Variants in SPG21 observed in about 807,000 individuals in gnomAD.
The protein encoded by SPG21 is maspardin.
Under a neutral mutation model 38.9 loss-of-function variants are expected in SPG21, and 26 were observed. The ratio of observed to expected loss-of-function variants is 0.67; its 90% CI spans 0.49 to 0.93. The LOEUF (loss-of-function observed/expected upper bound fraction) is 0.93, where lower values mean the gene tolerates loss of function less well. SPG21 is among the 40% of genes least tolerant of loss of function. The pLI is 0.00. For synonymous variants in SPG21, 136 were observed against 128.9 expected, an observed-to-expected ratio of 1.05 and a Z score of -0.37; for missense variants, 333 against 376.5, an observed-to-expected ratio of 0.88 and a Z score of 0.96.
chr15:64,986,192 C>G (rs1008236580), intron 1 of SPG21, among the ~76,000 whole-genome samples: 3 of 149,704 alleles, frequency 2.0e-5, no homozygotes, highest in Non-Finnish European at 4.4e-5. Flanking sequence ...GTAGTGAAAC[C>G]CTGTCTCTAC....
At chr15:64,977,883 C>T (rs1444644005) in intron 3 of SPG21, among the ~76,000 whole-genome samples, 1 of 152,004 alleles carries the variant, frequency 6.6e-6, no homozygotes, top group African/African-American at 2.4e-5. Flanking sequence ...AGTGCAGTGG[C>T]GCGATCTCGG....
intron 7 of SPG21, among the ~76,000 whole-genome samples, chr15:64,967,463 A>G (rs1328954960): frequency 7.3e-6 from 1 of 136,464 alleles, no homozygotes; most frequent in African/African-American, 2.7e-5. Flanking sequence ...ATGTCCAGCT[A>G]ATTTTCCTTT....
chr15:64,970,829 T>C (rs181096556), intron 5 of SPG21, among the ~76,000 whole-genome samples: 1 of 152,144 alleles, frequency 6.6e-6, no homozygotes, highest in African/African-American at 2.4e-5. Flanking sequence ...AACCTCTGCC[T>C]CCCGGGCTCA....
intron 3 of SPG21, among the ~76,000 whole-genome samples, chr15:64,976,790 G>A (rs1387838513): frequency 6.6e-6 from 1 of 152,174 alleles, no homozygotes; most frequent in Non-Finnish European, 1.5e-5. Flanking sequence ...GATATTACGT[G>A]AGTAACAATT....
chr15:64,972,209 C>A (rs1423341446), intron 5 of SPG21, among the ~76,000 whole-genome samples: 1 of 152,160 alleles, frequency 6.6e-6, no homozygotes, highest in Non-Finnish European at 1.5e-5. Context: ...AAGTTCTCTC[C>A]CAGCCCCATC....
At chr15:64,972,872 C>T (rs2085697954) in intron 5 of SPG21, among the ~76,000 whole-genome samples, 1 of 130,966 alleles carries the variant, frequency 7.6e-6, no homozygotes, top group African/African-American at 2.5e-5. Context: ...ACAAAAAAAA[C>T]TAAAAAATAT....
chr15:64,977,034 CTTAG>C (rs772490884), intron 3 of SPG21, among the ~76,000 whole-genome samples: 2 of 152,108 alleles, frequency 1.3e-5, no homozygotes, highest in Non-Finnish European at 2.9e-5. Context: ...TTTTAAATGA[CTTAG>C]TTACTCTATT....
At chr15:64,982,442 G>A (rs1417687030) in intron 2 of SPG21, among the ~76,000 whole-genome samples, 1 of 152,042 alleles carries the variant, frequency 6.6e-6, no homozygotes. Context: ...CACCATGCCT[G>A]GCTAATTTTT....
chr15:64,985,107 A>G (rs2085965606), intron 1 of SPG21, among the ~76,000 whole-genome samples: 2 of 152,232 alleles, frequency 1.3e-5, no homozygotes, highest in African/African-American at 4.8e-5. Flanking sequence ...GACGTGATTA[A>G]AAGTTACACA....
intron 7 of SPG21, among the ~76,000 whole-genome samples, chr15:64,967,275 AAAAT>A (rs1233341366): frequency 1.3e-5 from 2 of 151,958 alleles, no homozygotes; most frequent in African/African-American, 4.8e-5. Context: ...AAATAATTTA[AAAAT>A]AAATAAAAAA....
At position 64,988,981 on chromosome 15, in the gene SPG21, CAAA is replaced by C. The variant is rs148681989; in HGVS notation, c.-25+681_-25+683del. The C allele has an allele frequency of 2.1e-3, 196 of 92,294 alleles. 1 individual carries two copies. The highest frequency in any genetic ancestry group is 0.016 in the South Asian group (48 of 2,934). 5.7% of individuals were successfully genotyped at this position (92,294 alleles called of 1,614,324 possible). On this transcript the variant is annotated intron_variant, in intron 1 of 8. Coordinates refer to ENST00000204566, the MANE Select transcript of SPG21 (RefSeq NM_016630.7). Reference sequence around the variant, plus strand: ...TGGGCGACGGAGCGAGACTCCGTCTCAAAAAAAAAAAAAAAAAAAAAGTTACTC... The same window carrying C: ...TGGGCGACGGAGCGAGACTCCGTCTCAAAAAAAAAAAAAAAAAAGTTACTC...
chr15:64,973,686 T>C (rs924018678), intron 5 of SPG21, among the ~76,000 whole-genome samples: 1 of 152,180 alleles, frequency 6.6e-6, no homozygotes, highest in Non-Finnish European at 1.5e-5. Context: ...CGACCTCAGG[T>C]GATCCGGCCG....
At position 64,976,549 on chromosome 15, in the gene SPG21, A is replaced by C; in HGVS notation, c.232T>G (p.Tyr78Asp). ...GWGYRVIALQ[Y>D]PVYWDHLEFC... ...TCGAGATGGTCCCAATAAACTGGAT[A>C]CTGCAACTGAAATAATAACGATAAT... The change falls in exon 4 of 9, where the codon TAT (tyrosine) becomes GAT (aspartate). Residue 78 changes from tyrosine to aspartate, a missense_variant. Physicochemically the swap from Tyr to Asp is radical, Grantham distance 160. Coordinates refer to ENST00000204566, the MANE Select transcript of SPG21 (RefSeq NM_016630.7). 1 of 1,607,600 alleles carries C rather than the reference A, an allele frequency of 6.2e-7. No individual in the cohort carries two copies. Among genetic ancestry groups the C allele is most frequent in the South Asian group, 1.1e-5 (1 of 90,244 alleles).
At position 64,979,798 on chromosome 15, in the gene SPG21, T is replaced by G. The variant is rs1595876838; in HGVS notation, c.225+1066A>C. ...ACTGCCAGCTAAAGAGACTCTCTCC[T>G]TCCTGGAAAATTAGGAGACCAATGT... On this transcript the variant is annotated intron_variant, in intron 3 of 8. Transcript: ENST00000204566. 2.0e-5 allele frequency among the ~76,000 whole-genome samples: 3 copies of G among 149,180 alleles called. No homozygotes were observed. In the South Asian group the frequency reaches 6.3e-4, roughly 31 times the overall value.
chr15:64,988,273 C>T (rs2086038922), intron 1 of SPG21, among the ~76,000 whole-genome samples: 1 of 152,090 alleles, frequency 6.6e-6, no homozygotes. Context: ...TGACTATGCC[C>T]CTATCCCTCA....
intron 1 of SPG21, among the ~76,000 whole-genome samples, chr15:64,986,410 G>A (rs1038306996): frequency 6.6e-6 from 1 of 150,816 alleles, no homozygotes; most frequent in African/African-American, 2.4e-5. Context: ...ATTTTGCCAG[G>A]CGCGGCGGCT....
chr15:64,969,134 A>G, intron 7 of SPG21, 121 bp downstream of exon 7: 1 of 735,492 alleles, frequency 1.4e-6, no homozygotes, highest in Non-Finnish European at 2.4e-6. Flanking sequence ...TGGAGGGTAA[A>G]AACAAAAGCC....
chr15:64,977,303 G>C (rs903460457), intron 3 of SPG21, among the ~76,000 whole-genome samples: 25 of 152,052 alleles, frequency 1.6e-4, no homozygotes, highest in Non-Finnish European at 1.8e-4. Context: ...GACCTCAAGT[G>C]ATCTAACTGC....
chr15:64,986,849 A>G (rs968617146), intron 1 of SPG21, among the ~76,000 whole-genome samples: 1 of 152,240 alleles, frequency 6.6e-6, no homozygotes, highest in Non-Finnish European at 1.5e-5. Flanking sequence ...GACAGACTTG[A>G]AATACTTCTA....
Sources: gnomAD v4.1 joint callset for allele counts (sites outside exome capture counted in the v4.1 genomes callset) on GRCh38, gnomAD v4.1.1 for gene constraint, MANE v1.5 for transcripts, NCBI Gene and HGNC (gene_info 2026-07-23, HGNC 2026-07-21) for gene names.